Variants in CUX2 observed in about 807,000 individuals in gnomAD.
The protein encoded by CUX2 is cut like homeobox 2, also known as homeobox protein cut-like 2.
Under a neutral mutation model 144.8 loss-of-function variants are expected in CUX2, and 40 were observed. The observed-to-expected ratio is 0.28, with a 90% confidence interval of 0.21 to 0.36. The LOEUF is 0.36. Among genes scored for constraint, CUX2 ranks in the 10% least tolerant of loss-of-function variants. CUX2 has a pLI of 1.00. For synonymous variants in CUX2, 827 were observed against 875.6 expected, an observed-to-expected ratio of 0.94 and a Z score of 0.98; for missense variants, 1,615 against 1,994.0, an observed-to-expected ratio of 0.81 and a Z score of 3.62.
At chr12:111,036,765 A>G (rs1042628773) in intron 1 of CUX2, among the ~76,000 whole-genome samples, 13 of 152,116 alleles carry the variant, frequency 8.5e-5, no homozygotes, top group Non-Finnish European at 1.9e-4. Context: ...GCAAGGCAGC[A>G]CACTTCTAGA....
chr12:111,240,068 G>A (rs779734740), intron 3 of CUX2, among the ~76,000 whole-genome samples: 1 of 152,240 alleles, frequency 6.6e-6, no homozygotes, highest in Non-Finnish European at 1.5e-5. Context: ...TTAGTCCTCA[G>A]CAGTCCTGTG....
intron 16 of CUX2, among the ~76,000 whole-genome samples, chr12:111,318,258 T>A (rs1309513163): frequency 6.8e-6 from 1 of 147,882 alleles, no homozygotes; most frequent in Non-Finnish European, 1.5e-5. Context: ...TTTTTTTTTT[T>A]TTTCACTTTT....
At chr12:111,315,810 A>G (rs1565913426) in intron 16 of CUX2, among the ~76,000 whole-genome samples, 3 of 152,154 alleles carry the variant, frequency 2.0e-5, no homozygotes, top group African/African-American at 4.8e-5. Flanking sequence ...GCTTAAACCC[A>G]GGAGTTTGAG....
chr12:111,286,735 T>G (rs1033838824), intron 4 of CUX2, among the ~76,000 whole-genome samples: 2 of 151,998 alleles, frequency 1.3e-5, no homozygotes, highest in African/African-American at 4.8e-5. Flanking sequence ...TAGCCTGGCA[T>G]GGTGGTAGCT....
chr12:111,339,241 G>A (rs202189799), intron 20 of CUX2, among the ~76,000 whole-genome samples: 2,574 of 151,406 alleles, frequency 0.017, 81 homozygotes, highest in East Asian at 0.12. Context: ...AAAAAAAAAA[G>A]AAAGAAACAA....
chr12:111,230,446 C>T (rs556096244), intron 3 of CUX2, among the ~76,000 whole-genome samples: 1 of 152,246 alleles, frequency 6.6e-6, no homozygotes, highest in South Asian at 2.1e-4. Context: ...CCTCCATGTC[C>T]CAGACCTCTA....
At chr12:111,136,196 G>A (rs973624224) in intron 1 of CUX2, among the ~76,000 whole-genome samples, 5 of 151,964 alleles carry the variant, frequency 3.3e-5, no homozygotes, top group Admixed American at 2.6e-4. Flanking sequence ...GTTCCTGCAC[G>A]TGATGAGGGT....
intron 1 of CUX2, among the ~76,000 whole-genome samples, chr12:111,189,983 A>G (rs898309102): frequency 2.0e-5 from 3 of 152,132 alleles, no homozygotes; most frequent in Non-Finnish European, 4.4e-5. Context: ...ATCCTTGTCA[A>G]CACTTGGTAT....
intron 4 of CUX2, among the ~76,000 whole-genome samples, chr12:111,284,784 G>A (rs1430553630): frequency 2.0e-5 from 3 of 152,272 alleles, no homozygotes; most frequent in South Asian, 2.1e-4. Context: ...CTTTCACCTC[G>A]TGCAGCTCGG....
chr12:111,299,257 G>A (rs532338489), intron 9 of CUX2, among the ~76,000 whole-genome samples: 2 of 152,366 alleles, frequency 1.3e-5, no homozygotes, highest in African/African-American at 4.8e-5. Flanking sequence ...ACTGTGGCAG[G>A]GAGAGAGGTC....
chr12:111,281,772 A>G (rs529135788), intron 4 of CUX2, among the ~76,000 whole-genome samples: 4 of 152,206 alleles, frequency 2.6e-5, no homozygotes, highest in Admixed American at 2.0e-4. Flanking sequence ...GAAGCAAGTG[A>G]TTTGGGTTCT....
intron 1 of CUX2, among the ~76,000 whole-genome samples, chr12:111,062,446 G>C (rs1170379667): frequency 6.6e-6 from 1 of 152,264 alleles, no homozygotes; most frequent in Non-Finnish European, 1.5e-5. Flanking sequence ...CCCATTCACA[G>C]AAAAGGCAGC....
chr12:111,311,992 C>T, intron 15 of CUX2, 108 bp from the exon 16 acceptor site: 1 of 824,230 alleles, frequency 1.2e-6, no homozygotes. Context: ...CACTGATGGT[C>T]TGACCCTCAC....
intron 20 of CUX2, among the ~76,000 whole-genome samples, chr12:111,339,999 C>T (rs540347708): frequency 6.6e-6 from 1 of 152,238 alleles, no homozygotes; most frequent in East Asian, 1.9e-4. Flanking sequence ...AGTTCAAGAG[C>T]AGCCTGGCCA....
chr12:111,161,106 C>T (rs1461574547), intron 1 of CUX2, among the ~76,000 whole-genome samples: 1 of 152,112 alleles, frequency 6.6e-6, no homozygotes, highest in Non-Finnish European at 1.5e-5. Context: ...CTCCTTGGCT[C>T]AAAGGGCCAG....
chr12:111,326,731 C>T (rs1030775155), intron 18 of CUX2, among the ~76,000 whole-genome samples: 2 of 151,992 alleles, frequency 1.3e-5, no homozygotes, highest in South Asian at 4.2e-4. Context: ...TGGAGAAATC[C>T]CGTCTCTCCT....
Position 111,295,351 on chromosome 12 carries a change from G to A in CUX2, c.579G>A (p.Gln193=). The part of the protein sequence containing the change: ...AEKQKGLQEV[Q]ITLAARLGEA... ...TCCGCAGGGGCCTTCAAGAAGTACA[G>A]ATCACTTTGGCGGCCAGACTGGGGG... Residue 193 remains glutamine (Q), a synonymous_variant, in exon 7 of 22, where the codon CAG becomes CAA. Transcript: ENST00000261726. The surrounding 1 kb of genome is among the most constrained non-coding windows in gnomAD (Gnocchi z 5.0). 4 of 1,613,294 alleles carry A rather than the reference G, an allele frequency of 2.5e-6. No individual in the cohort carries two copies. Among genetic ancestry groups the A allele is most frequent in the Non-Finnish European group, 3.4e-6 (4 of 1,179,686 alleles).
chr12:111,122,534 T>C (rs1874754915), intron 1 of CUX2, among the ~76,000 whole-genome samples: 1 of 152,204 alleles, frequency 6.6e-6, no homozygotes, highest in Admixed American at 6.5e-5. Flanking sequence ...CCGAGTGCCT[T>C]AAATATTGGC....
intron 18 of CUX2, among the ~76,000 whole-genome samples, chr12:111,331,434 A>G (rs1888117323): frequency 1.3e-5 from 2 of 152,102 alleles, no homozygotes; most frequent in African/African-American, 2.4e-5. Context: ...CAGTGCTGGG[A>G]TTCCTAGACC....
Sources: allele counts gnomAD v4.1 joint callset (sites outside exome capture counted in the v4.1 genomes callset), GRCh38; gene constraint gnomAD v4.1.1; non-coding constraint Gnocchi (gnomAD v3.1); transcripts MANE v1.5; gene names NCBI Gene and HGNC (gene_info 2026-07-23, HGNC 2026-07-21).